The following PZP variants were observed in gnomAD, a reference collection of about 807,000 sequenced individuals.
The protein encoded by PZP is PZP alpha-2-macroglobulin like, also known as pregnancy zone protein.
A neutral mutation model predicts 179.8 loss-of-function variants in PZP; 150 were observed. The observed-to-expected ratio is 0.83, with a 90% CI of 0.73 to 0.96. The LOEUF (loss-of-function observed/expected upper bound fraction) is 0.96, where lower values mean the gene tolerates loss of function less well. PZP is among the 40% of genes least tolerant of loss of function. PZP has a pLI of 0.00. For missense variants in PZP, 1,689 were observed against 1,764.0 expected (o/e 0.96, Z 0.76); for synonymous variants, 624 against 652.3 (o/e 0.96, Z 0.66).
Position 9,201,861 on chromosome 12 carries a change from G to A in PZP, c.480+458C>T, listed in dbSNP as rs921550492. Among the ~76,000 whole-genome samples, 3 of 151,770 alleles carry A rather than the reference G, an allele frequency of 2.0e-5. No individual in the cohort carries two copies. In the East Asian group the frequency reaches 5.8e-4, roughly 29 times the overall value. On this transcript the variant is annotated intron_variant, in intron 4 of 35. Coordinates refer to ENST00000261336, the MANE Select transcript of PZP (RefSeq NM_002864.3). ...TAATATTGAAGGTAAGTTGAAAAAA[G>A]GGAAATTCAATTAGCATAAAAAAGT...
At chr12:9,169,733 T>A (rs1321819446) in intron 15 of PZP, 142 bp from the exon 16 acceptor site, 1 of 724,164 alleles carries the variant, frequency 1.4e-6, no homozygotes, top group African/African-American at 1.8e-5. Context: ...AGTTGAAGAT[T>A]TTCCTTATAT....
chr12:9,171,854 A>G (rs1050417848), intron 15 of PZP, among the ~76,000 whole-genome samples: 1 of 152,238 alleles, frequency 6.6e-6, no homozygotes, highest in Non-Finnish European at 1.5e-5. Flanking sequence ...AAAAGACCAA[A>G]CCTATGACTG....
At chr12:9,153,531 A>G (rs1202356066) in intron 29 of PZP, among the ~76,000 whole-genome samples, 188 bp from the exon 30 acceptor site, 1 of 152,238 alleles carries the variant, frequency 6.6e-6, no homozygotes, top group African/African-American at 2.4e-5. Context: ...GTTTCTCCAA[A>G]TGAAATAAAA....
intron 23 of PZP, 99 bp downstream of exon 23, chr12:9,160,934 G>T: frequency 1.0e-6 from 1 of 974,022 alleles, no homozygotes; most frequent in Non-Finnish European, 1.6e-6. Context: ...AAAAAGAATA[G>T]CAGCTATCAA....
the PZP span, among the ~76,000 whole-genome samples, chr12:9,137,042 A>C: frequency 6.6e-6 from 1 of 152,050 alleles, no homozygotes; most frequent in East Asian, 1.9e-4. Flanking sequence ...ACATAGTTCA[A>C]CTTATTTGTT....
At chr12:9,154,375 T>C (rs1940586470) in intron 29 of PZP, among the ~76,000 whole-genome samples, 1 of 152,238 alleles carries the variant, frequency 6.6e-6, no homozygotes, top group Non-Finnish European at 1.5e-5. Context: ...AGCGTGGCTT[T>C]AGAGGGTAAA....
At chr12:9,185,815 T>TTTTCTTTTCTTTTCTTTTCTTTTCC (rs1244316268) in intron 13 of PZP, among the ~76,000 whole-genome samples, 1 of 147,152 alleles carries the variant, frequency 6.8e-6, no homozygotes, top group Admixed American at 6.8e-5. Context: ...TTTTCTTTTC[T>TTTTCTTTTCTTTTCTTTTCTTTTCC]TTTTTTTTTT....
At chr12:9,178,727 A>G (rs752738935) in intron 15 of PZP, among the ~76,000 whole-genome samples, 1 of 152,322 alleles carries the variant, frequency 6.6e-6, no homozygotes, top group Non-Finnish European at 1.5e-5. Context: ...GAAGACAGGA[A>G]CAGAAATGTG....
intron 1 of PZP, among the ~76,000 whole-genome samples, chr12:9,207,903 T>C (rs1053633669): frequency 1.3e-5 from 2 of 152,238 alleles, no homozygotes; most frequent in Non-Finnish European, 2.9e-5. Flanking sequence ...TCTGTATATA[T>C]ATATATGGCC....
chr12:9,137,314 C>A, the PZP span, among the ~76,000 whole-genome samples: 5 of 152,084 alleles, frequency 3.3e-5, no homozygotes, highest in Non-Finnish European at 5.9e-5. Context: ...ATTCTTGGTA[C>A]CCTTGTCAAA....
chr12:9,142,302 G>C, the PZP span, among the ~76,000 whole-genome samples: 1 of 152,086 alleles, frequency 6.6e-6, no homozygotes, highest in African/African-American at 2.4e-5. Flanking sequence ...CAATATTAAT[G>C]TTTCATTTAT....
intron 13 of PZP, among the ~76,000 whole-genome samples, chr12:9,190,772 A>C (rs1184632255): frequency 6.6e-6 from 1 of 152,330 alleles, no homozygotes; most frequent in Non-Finnish European, 1.5e-5. Context: ...CTGAAAATTA[A>C]ATAGGCAAAT....
chr12:9,158,343 T>C, intron 26 of PZP, 77 bp downstream of exon 26: 1 of 1,549,460 alleles, frequency 6.5e-7, no homozygotes, highest in Non-Finnish European at 8.8e-7. Flanking sequence ...AATTTCCTTG[T>C]GCCTCCTTCC....
At chr12:9,198,117 C>T (rs145513738) in intron 7 of PZP, among the ~76,000 whole-genome samples, 287 of 150,654 alleles carry the variant, frequency 1.9e-3, no homozygotes, top group Middle Eastern at 7.0e-3. Flanking sequence ...CTTTGGGAAG[C>T]CAAGAAGGAT....
chr12:9,162,735 G>T, intron 21 of PZP, 87 bp from the exon 22 acceptor site: 1 of 1,069,010 alleles, frequency 9.4e-7, no homozygotes, highest in Non-Finnish European at 1.4e-6. Context: ...GATGGGTAGG[G>T]TTTACACGAA....
the PZP span, among the ~76,000 whole-genome samples, chr12:9,140,468 G>C: frequency 6.6e-6 from 1 of 152,162 alleles, no homozygotes; most frequent in Middle Eastern, 3.2e-3. Flanking sequence ...AAAGGGCCAC[G>C]TGTTATTTTC....
At chr12:9,140,447 C>T in the PZP span, among the ~76,000 whole-genome samples, 1 of 152,152 alleles carries the variant, frequency 6.6e-6, no homozygotes, top group Non-Finnish European at 1.5e-5. Context: ...GAGGCAGAGG[C>T]ACATGTTTGG....
At chr12:9,207,544 TAGAG>T (rs1944498829) in intron 1 of PZP, among the ~76,000 whole-genome samples, 2 of 152,178 alleles carry the variant, frequency 1.3e-5, no homozygotes, top group African/African-American at 4.8e-5. Context: ...GACAGTCAGT[TAGAG>T]AGGACTGTTG....
At chr12:9,201,540 AATT>A (rs1315354405) in intron 4 of PZP, among the ~76,000 whole-genome samples, 193 bp from the exon 5 acceptor site, 1 of 152,168 alleles carries the variant, frequency 6.6e-6, no homozygotes. Flanking sequence ...TATATTCAAT[AATT>A]ATTATTATGT....
Sources: gnomAD v4.1 joint callset for allele counts (sites outside exome capture counted in the v4.1 genomes callset) on GRCh38, gnomAD v4.1.1 for gene constraint, MANE v1.5 for transcripts, NCBI Gene and HGNC (gene_info 2026-07-23, HGNC 2026-07-21) for gene names.